PLEKHA4: variants seen among roughly 807,000 people sequenced by gnomAD.
The protein encoded by PLEKHA4 is pleckstrin homology domain containing A4.
PLEKHA4 carries 73 observed loss-of-function variants against 94.7 expected under a neutral mutation model. The ratio of observed to expected loss-of-function variants is 0.77; its 90% CI spans 0.64 to 0.94. The LOEUF is 0.94. Ranked by LOEUF, PLEKHA4 falls within the 40% of genes least tolerant of loss-of-function variation. The pLI is 0.00. For missense variants in PLEKHA4, 1,049 were observed against 1,054.1 expected (o/e 1.00, Z 0.07); for synonymous variants, 449 against 437.1 (o/e 1.03, Z -0.34).
intron 8 of PLEKHA4, among the ~76,000 whole-genome samples, chr19:48,857,901 G>A (rs2036487018): frequency 6.7e-6 from 1 of 148,496 alleles, no homozygotes; most frequent in Non-Finnish European, 1.5e-5. Context: ...AAACACCCAA[G>A]AATGATCAAT....
intron 16 of PLEKHA4, among the ~76,000 whole-genome samples, chr19:48,842,147 T>TC (rs1209733038): frequency 2.7e-5 from 4 of 146,080 alleles, no homozygotes; most frequent in East Asian, 1.9e-4. Flanking sequence ...TATTTTCTTT[T>TC]TTTTTTTTTT....
chr19:48,856,814 G>T (rs2036430561), intron 9 of PLEKHA4, among the ~76,000 whole-genome samples: 1 of 147,910 alleles, frequency 6.8e-6, no homozygotes, highest in Non-Finnish European at 1.5e-5. Context: ...CAGGAGAATG[G>T]CATGAACCCG....
chr19:48,862,765 G>T (rs555278156), intron 3 of PLEKHA4, among the ~76,000 whole-genome samples: 1 of 152,002 alleles, frequency 6.6e-6, no homozygotes, highest in Non-Finnish European at 1.5e-5. Context: ...TGCCTGCCTC[G>T]GCCTCCCAAA....
At chr19:48,852,397 T>C in intron 12 of PLEKHA4, 71 bp from the exon 13 acceptor site, 1 of 1,218,372 alleles carries the variant, frequency 8.2e-7, no homozygotes, top group East Asian at 2.3e-5. Flanking sequence ...CCCCATCATT[T>C]GTCAGCTAAG....
chr19:48,841,445 G>A, intron 16 of PLEKHA4, 135 bp from the exon 17 acceptor site: 1 of 920,124 alleles, frequency 1.1e-6, no homozygotes, highest in Non-Finnish European at 1.5e-6. Context: ...TGGCCAACTT[G>A]GCGAAATACC....
Position 48,841,176 on chromosome 19 carries a change from G to A in PLEKHA4, c.1878C>T (p.Ala626=), listed in dbSNP as rs764180918. ...LLTLGRTLSP[A]RRQPDVEQRP... is the part of the protein sequence containing the mutation. ...TTTGCTCCACGTCAGGCTGGCGTCT[G>A]GCTGGGGACAGTGTCCTTCCCAGGG... The change falls in exon 17 of 20, where the codon GCC becomes GCT. Residue 626 remains alanine, a synonymous_variant. Coordinates refer to ENST00000263265, the MANE Select transcript of PLEKHA4 (RefSeq NM_020904.3). 6.8e-6 allele frequency: 11 copies of A among 1,611,590 alleles called. No individual in the cohort carries two copies. The Admixed American group carries it at 1.5e-4, about 22-fold the overall frequency.
Position 48,867,575 on chromosome 19 carries a change from C to G in PLEKHA4, c.46G>C (p.Ala16Pro), listed in dbSNP as rs368418554. Reference protein sequence around the residue: ...PRSSLSLASSASTISSLSSLS... With the variant: ...PRSSLSLASSPSTISSLSSLS... ...CTGCTGAGCGAGGAGATGGTGGAGG[C>G]GCTGCTGGCCAGGCTCAGGCTGCTG... Residue 16 changes from alanine to proline, a missense_variant, in exon 2 of 20, where the codon GCC (alanine) becomes CCC (proline). By Grantham distance (27) the Ala-to-Pro change is conservative (BLOSUM62 -1). Transcript: ENST00000263265. This position sits in a 1 kb window ranked among gnomAD's most constrained non-coding sequence, Gnocchi z 4.7. 6.2e-5 allele frequency: 99 copies of G among 1,602,816 alleles called. No individual in the cohort carries two copies. In the East Asian group the frequency reaches 1.3e-3, roughly 21 times the overall value.
At chr19:48,862,830 C>T (rs1237784061) in intron 3 of PLEKHA4, among the ~76,000 whole-genome samples, 1 of 152,224 alleles carries the variant, frequency 6.6e-6, no homozygotes, top group Non-Finnish European at 1.5e-5. Flanking sequence ...TCAAACTATG[C>T]TCTGGAACAA....
rs1429641671 is a variant in PLEKHA4, at chr19:48,837,661, A to C, written c.2078-110T>G. ...ACTCCGGATTCCCAGCCCCTCCTCC[A>C]TCAGACCCAGGAGTCCAGGCCCCCA... On this transcript the variant is annotated intron_variant, in intron 19 of 19. Coordinates refer to ENST00000263265, the MANE Select transcript of PLEKHA4 (RefSeq NM_020904.3). This position sits in a 1 kb window ranked among gnomAD's most constrained non-coding sequence, Gnocchi z 4.3. 57 of 1,330,208 alleles carry C rather than the reference A, an allele frequency of 4.3e-5. No homozygotes were observed. Among genetic ancestry groups the C allele is most frequent in the African/African-American group, 4.2e-4 (26 of 61,822 alleles). 82.4% of individuals were successfully genotyped at this position (1,330,208 alleles called of 1,614,324 possible). A position where few individuals can be genotyped will look rare whatever the true frequency, so the allele number is the denominator to read the frequency against.
In PLEKHA4 at chr19:48,845,606, T is replaced by G; in HGVS notation, c.1577A>C (p.Glu526Ala). ...CCTAGGGGAGCTCAGTTCCAAGGAC[T>G]CTGGCAGGCTCTGCGGGGATTAGAA... ...EESSERESLP[E>A]SLELSSPRSP... Residue 526 changes from glutamate (E) to alanine (A), a missense_variant, in exon 15 of 20, where the codon GAG becomes GCG. By Grantham distance (107) the Glu-to-Ala change is moderately radical (BLOSUM62 -1). Coordinates refer to ENST00000263265, the MANE Select transcript of PLEKHA4 (RefSeq NM_020904.3). 6.3e-7 allele frequency: 1 copy of G among 1,585,942 alleles called. No individual in the cohort carries two copies.
At chr19:48,845,252 G>A in intron 16 of PLEKHA4, 118 bp downstream of exon 16, 2 of 936,350 alleles carry the variant, frequency 2.1e-6, no homozygotes, top group Non-Finnish European at 3.3e-6. Context: ...CTCTTAACAA[G>A]CAGTGCTCTC....
chr19:48,853,979 G>A (rs770938768), intron 11 of PLEKHA4, 28 bp downstream of exon 11: 64 of 1,612,450 alleles, frequency 4.0e-5, no homozygotes, highest in South Asian at 2.1e-4. Flanking sequence ...GAGGCCAGGC[G>A]CCCTGTCCTT....
At position 48,853,850 on chromosome 19, in the gene PLEKHA4, T is replaced by C. The variant is rs753389143; in HGVS notation, c.1177-19A>G. The C allele has an allele frequency of 1.3e-6, 2 of 1,593,934 alleles. No homozygotes were observed. The highest frequency in any genetic ancestry group is 2.7e-5 in the African/African-American group (2 of 73,940). On this transcript the variant is annotated intron_variant, in intron 11 of 19. Transcript: ENST00000263265. ...GTTGCTCCTGCACCAAGACAGAAGG[T>C]GGTTAGACTTCAGAAGCCATGCCTA...
Position 48,865,532 on chromosome 19 carries a change from C to A in PLEKHA4, c.163G>T (p.Val55Leu), listed in dbSNP as rs779140174. 6.2e-7 allele frequency: 1 copy of A among 1,613,938 alleles called. No individual in the cohort carries two copies. The highest frequency in any genetic ancestry group is 1.3e-5 in the African/African-American group (1 of 74,976). ...TTATGAAGCCAGCCTCGGATGTGCA[C>A]GGGAAGGTTGGGATCCCTCCTGAGC... is the stretch of plus-strand genomic sequence containing the variant. ...NALRRDPNLP[V>L]HIRGWLHKQD... The change falls in exon 3 of 20, where the codon GTG becomes TTG. Residue 55 changes from valine to leucine, a missense_variant. Val to Leu is a conservative substitution (Grantham distance 32). Coordinates refer to ENST00000263265, the MANE Select transcript of PLEKHA4 (RefSeq NM_020904.3).
intron 7 of PLEKHA4, 116 bp downstream of exon 7, chr19:48,859,353 G>A: frequency 3.5e-6 from 4 of 1,142,784 alleles, no homozygotes; most frequent in Non-Finnish European, 5.0e-6. Context: ...TGACCCCCAC[G>A]GGAGCCCCAG....
intron 13 of PLEKHA4, among the ~76,000 whole-genome samples, chr19:48,851,356 C>T (rs1228371561): frequency 1.3e-5 from 2 of 152,128 alleles, no homozygotes; most frequent in Non-Finnish European, 2.9e-5. Context: ...GTGGCTCACG[C>T]CTGTAATCCC....
chr19:48,854,947 C>G (rs1225392365), intron 9 of PLEKHA4, among the ~76,000 whole-genome samples: 2 of 151,828 alleles, frequency 1.3e-5, no homozygotes, highest in Non-Finnish European at 2.9e-5. Flanking sequence ...CTCAAATGAT[C>G]CTCCTGCCTT....
chr19:48,837,513 C>T lies in PLEKHA4; in HGVS notation c.2116G>A (p.Val706Met). 6.2e-7 allele frequency: 1 copy of T among 1,613,182 alleles called. No individual in the cohort carries two copies. The highest frequency in any genetic ancestry group is 8.5e-7 in the Non-Finnish European group (1 of 1,179,634). ...GTGGGGTCCGAAGGAGGCAGCGGCA[C>T]ACCGGGAAGAGGGTCTCCCTGGGAG... ...LDSQGDPLPG[V>M]PLPPSDPTRQ... Residue 706 changes from valine to methionine, a missense_variant, in exon 20 of 20, where the codon GTG becomes ATG. Transcript: ENST00000263265. This position sits in a 1 kb window ranked among gnomAD's most constrained non-coding sequence, Gnocchi z 4.3.
chr19:48,865,939 G>C (rs1279481826), intron 2 of PLEKHA4, among the ~76,000 whole-genome samples: 3 of 151,344 alleles, frequency 2.0e-5, no homozygotes, highest in Non-Finnish European at 4.4e-5. Context: ...GCGAGAACCC[G>C]GGAGGAGGAG....
Sources: gnomAD v4.1 joint callset for allele counts (sites outside exome capture counted in the v4.1 genomes callset) on GRCh38, gnomAD v4.1.1 for gene constraint, Gnocchi (gnomAD v3.1) non-coding constraint, MANE v1.5 for transcripts, NCBI Gene and HGNC (gene_info 2026-07-23, HGNC 2026-07-21) for gene names.